FHIT: variants seen among roughly 807,000 people sequenced by gnomAD.
FHIT encodes the protein fragile histidine triad diadenosine triphosphatase, also known as bis(5'-adenosyl)-triphosphatase.
A neutral mutation model predicts 17.9 loss-of-function variants in FHIT; 19 were observed. The ratio of observed to expected loss-of-function variants is 1.06; its 90% CI spans 0.74 to 1.56. The LOEUF (loss-of-function observed/expected upper bound fraction) is 1.56. Ranked by LOEUF, FHIT falls within the 40% of genes most tolerant of loss-of-function variation. FHIT has a pLI of 0.00. For synonymous variants in FHIT, 81 were observed against 69.7 expected, an observed-to-expected ratio of 1.16 and a Z score of -0.81; for missense variants, 248 against 189.2, an observed-to-expected ratio of 1.31 and a Z score of -1.82.
intron 3 of FHIT, among the ~76,000 whole-genome samples, chr3:60,959,726 G>A (rs1709322364): frequency 6.6e-6 from 1 of 151,866 alleles, no homozygotes; most frequent in African/African-American, 2.4e-5. Flanking sequence ...AAGAGATTTT[G>A]AGGAGGAAAA....
chr3:60,447,971 C>G (rs1471581260), intron 5 of FHIT, among the ~76,000 whole-genome samples: 1 of 152,182 alleles, frequency 6.6e-6, no homozygotes, highest in East Asian at 1.9e-4. Context: ...ACAACAAATT[C>G]TCACCATGAA....
intron 4 of FHIT, among the ~76,000 whole-genome samples, chr3:60,684,440 G>T (rs2040817620): frequency 1.3e-5 from 2 of 152,068 alleles, no homozygotes; most frequent in Non-Finnish European, 2.9e-5. Context: ...GCAGAATACG[G>T]TGTCAAGTCC....
intron 4 of FHIT, among the ~76,000 whole-genome samples, chr3:60,621,979 G>A (rs2039144587): frequency 6.6e-6 from 1 of 152,038 alleles, no homozygotes; most frequent in African/African-American, 2.4e-5. Flanking sequence ...TGTGTAGGGA[G>A]AATTAACCCT....
intron 5 of FHIT, among the ~76,000 whole-genome samples, chr3:60,101,694 A>C (rs543861537): frequency 6.6e-6 from 1 of 152,288 alleles, no homozygotes; most frequent in East Asian, 1.9e-4. Context: ...TTAACCTGCA[A>C]CACATCACAT....
At chr3:60,094,230 G>T (rs1446437223) in intron 5 of FHIT, among the ~76,000 whole-genome samples, 1 of 152,052 alleles carries the variant, frequency 6.6e-6, no homozygotes, top group African/African-American at 2.4e-5. Flanking sequence ...GATATCTAAT[G>T]CATTTCATTG....
At chr3:60,568,259 A>T (rs1361625430) in intron 4 of FHIT, among the ~76,000 whole-genome samples, 1 of 152,202 alleles carries the variant, frequency 6.6e-6, no homozygotes, top group Non-Finnish European at 1.5e-5. Flanking sequence ...CACATACACC[A>T]TGGAATACTA....
At chr3:59,990,602 G>A (rs1420936271) in intron 7 of FHIT, among the ~76,000 whole-genome samples, 1 of 151,908 alleles carries the variant, frequency 6.6e-6, no homozygotes, top group South Asian at 2.1e-4. Context: ...TACCATTACT[G>A]CATCATGATA....
intron 8 of FHIT, among the ~76,000 whole-genome samples, chr3:59,758,666 A>G (rs1172083623): frequency 2.6e-5 from 4 of 152,230 alleles, no homozygotes; most frequent in Non-Finnish European, 5.9e-5. Context: ...TGTTTTGTTT[A>G]GATCATATTT....
chr3:60,611,512 G>A (rs2038785182), intron 4 of FHIT, among the ~76,000 whole-genome samples: 1 of 152,134 alleles, frequency 6.6e-6, no homozygotes, highest in South Asian at 2.1e-4. Context: ...GGTTAAGGAA[G>A]GGAAGGCCCC....
At chr3:60,558,934 C>A (rs79068372) in intron 4 of FHIT, among the ~76,000 whole-genome samples, 3 of 152,158 alleles carry the variant, frequency 2.0e-5, no homozygotes, top group Admixed American at 1.3e-4. Flanking sequence ...TGTGATAATA[C>A]GTGTATCTTC....
intron 5 of FHIT, among the ~76,000 whole-genome samples, chr3:60,483,609 C>T (rs189947464): frequency 6.6e-6 from 1 of 151,994 alleles, no homozygotes; most frequent in African/African-American, 2.4e-5. Context: ...GCAGAAAAAG[C>T]CTTTGATAAT....
At chr3:60,520,021 C>T (rs1383293552) in intron 5 of FHIT, among the ~76,000 whole-genome samples, 3 of 152,146 alleles carry the variant, frequency 2.0e-5, no homozygotes, top group Non-Finnish European at 4.4e-5. Flanking sequence ...ACAGTATGTA[C>T]TATAGTTAAT....
intron 1 of FHIT, among the ~76,000 whole-genome samples, chr3:61,226,175 C>T (rs905441576): frequency 1.3e-5 from 2 of 152,250 alleles, no homozygotes; most frequent in African/African-American, 2.4e-5. Flanking sequence ...AGATAACAGT[C>T]GTGGCATCTC....
At chr3:60,722,330 G>A (rs1553708253) in intron 4 of FHIT, among the ~76,000 whole-genome samples, 1 of 152,194 alleles carries the variant, frequency 6.6e-6, no homozygotes, top group Admixed American at 6.5e-5. Context: ...CTCATTTTCA[G>A]GTTATAGACT....
intron 5 of FHIT, among the ~76,000 whole-genome samples, chr3:60,459,331 T>C (rs1382119548): frequency 6.6e-6 from 1 of 152,158 alleles, no homozygotes; most frequent in Non-Finnish European, 1.5e-5. Flanking sequence ...TGCAAAGGTA[T>C]AAAGATAGTA....
intron 1 of FHIT, among the ~76,000 whole-genome samples, chr3:61,212,125 A>T (rs564326172): frequency 6.6e-6 from 1 of 152,384 alleles, no homozygotes; most frequent in African/African-American, 2.4e-5. Context: ...GCAGTTCCTC[A>T]CCAGCAACGG....
At chr3:60,879,954 T>A (rs1308034435) in intron 3 of FHIT, among the ~76,000 whole-genome samples, 1 of 148,330 alleles carries the variant, frequency 6.7e-6, no homozygotes, top group African/African-American at 2.5e-5. Context: ...AAAGATGTAT[T>A]AAAAAAAAAA....
intron 4 of FHIT, among the ~76,000 whole-genome samples, chr3:60,650,550 T>G (rs565651786): frequency 1.3e-5 from 2 of 152,320 alleles, no homozygotes; most frequent in South Asian, 4.1e-4. Flanking sequence ...AAATCAGACT[T>G]TCGACATCTG....
chr3:60,277,648 A>G (rs542562373), intron 5 of FHIT, among the ~76,000 whole-genome samples: 219 of 152,190 alleles, frequency 1.4e-3, no homozygotes, highest in African/African-American at 5.1e-3. Flanking sequence ...CCCTATGTAA[A>G]TCAGACACCG....
Sources: allele counts gnomAD v4.1 joint callset (sites outside exome capture counted in the v4.1 genomes callset), GRCh38; gene constraint gnomAD v4.1.1; transcripts MANE v1.5; gene names NCBI Gene and HGNC (gene_info 2026-07-23, HGNC 2026-07-21).